The following JPH1 variants were observed in gnomAD, a reference collection of about 807,000 sequenced individuals.
JPH1 encodes the protein junctophilin 1.
In JPH1, 12 loss-of-function variants were observed where a neutral mutation model predicts 53.6. The observed-to-expected ratio is 0.22, with a 90% CI of 0.14 to 0.36. The LOEUF (loss-of-function observed/expected upper bound fraction) is 0.36, where lower values mean the gene tolerates loss of function less well. JPH1 is among the 10% of genes least tolerant of loss of function. The pLI, the probability that JPH1 is intolerant of heterozygous loss-of-function variation, is 1.00. For synonymous variants in JPH1, 375 were observed against 363.8 expected, an observed-to-expected ratio of 1.03 and a Z score of -0.35; for missense variants, 808 against 905.5, an observed-to-expected ratio of 0.89 and a Z score of 1.38.
At chr8:74,294,483 A>C (rs1421789276) in intron 2 of JPH1, among the ~76,000 whole-genome samples, 2 of 152,224 alleles carry the variant, frequency 1.3e-5, no homozygotes, top group African/African-American at 4.8e-5. Context: ...AGTCAAAATG[A>C]GCACTAGGCA....
chr8:74,296,901 G>C (rs981362322), intron 2 of JPH1, among the ~76,000 whole-genome samples: 5 of 152,038 alleles, frequency 3.3e-5, no homozygotes, highest in African/African-American at 4.8e-5. Flanking sequence ...TACATCTCTG[G>C]CTAACTCGAA....
At chr8:74,283,470 A>T (rs1312647766) in intron 2 of JPH1, among the ~76,000 whole-genome samples, 1 of 152,206 alleles carries the variant, frequency 6.6e-6, no homozygotes, top group Admixed American at 6.5e-5. Context: ...ACAGAAAGCC[A>T]GAAACTGAGG....
chr8:74,256,545 AAG>A (rs374594373), intron 3 of JPH1, among the ~76,000 whole-genome samples: 3,904 of 143,964 alleles, frequency 0.027, 145 homozygotes, highest in African/African-American at 0.098. Context: ...AAAAAAAAAA[AAG>A]AACTCAAACA....
At chr8:74,275,410 T>G (rs1228142949) in intron 2 of JPH1, among the ~76,000 whole-genome samples, 3 of 152,170 alleles carry the variant, frequency 2.0e-5, no homozygotes, top group Non-Finnish European at 2.9e-5. Flanking sequence ...CATGTTACCC[T>G]TAGTGCTCTG....
intron 3 of JPH1, among the ~76,000 whole-genome samples, chr8:74,254,211 C>T (rs1379489844): frequency 2.6e-5 from 4 of 152,140 alleles, no homozygotes; most frequent in Non-Finnish European, 5.9e-5. Flanking sequence ...AAGTGGGCTT[C>T]ATCCCTGGGA....
intron 2 of JPH1, among the ~76,000 whole-genome samples, chr8:74,286,916 C>A (rs1260215849): frequency 6.6e-6 from 1 of 152,016 alleles, no homozygotes; most frequent in Non-Finnish European, 1.5e-5. Context: ...AATCATTTCC[C>A]AAGAAAATGG....
intron 1 of JPH1, among the ~76,000 whole-genome samples, chr8:74,319,749 T>A (rs1049523127): frequency 2.6e-5 from 4 of 152,200 alleles, no homozygotes; most frequent in Admixed American, 1.3e-4. Context: ...ATCCTCCAAC[T>A]CTGAGCTGCT....
chr8:74,301,925 T>C (rs1294607472), intron 2 of JPH1, among the ~76,000 whole-genome samples: 1 of 152,194 alleles, frequency 6.6e-6, no homozygotes, highest in Non-Finnish European at 1.5e-5. Context: ...CTAAGCAGGG[T>C]ACATGGGTTC....
intron 3 of JPH1, among the ~76,000 whole-genome samples, chr8:74,250,932 C>CA (rs1806030013): frequency 6.6e-6 from 1 of 152,180 alleles, no homozygotes; most frequent in South Asian, 2.1e-4. Flanking sequence ...ACTACCAGTA[C>CA]ATGCTCTCCT....
intron 2 of JPH1, among the ~76,000 whole-genome samples, chr8:74,279,218 A>G (rs1806939604): frequency 6.6e-6 from 1 of 152,212 alleles, no homozygotes; most frequent in African/African-American, 2.4e-5. Context: ...GTGGACTCTG[A>G]CTTAGCTCAA....
chr8:74,295,753 C>A (rs1807489680), intron 2 of JPH1, among the ~76,000 whole-genome samples: 1 of 152,140 alleles, frequency 6.6e-6, no homozygotes, highest in African/African-American at 2.4e-5. Context: ...TCTCTTGCAG[C>A]TTGCCTGCAG....
At chr8:74,308,169 A>G (rs6983739) in intron 2 of JPH1, among the ~76,000 whole-genome samples, 21,693 of 152,194 alleles carry the variant, frequency 0.14, 3,192 homozygotes, top group African/African-American at 0.38. Flanking sequence ...GTCAAATACA[A>G]AAGCTAAGCC....
In JPH1 at chr8:74,237,273, T is replaced by C. The variant is rs748997420; in HGVS notation, c.1936A>G (p.Met646Val). 1.2e-6 allele frequency: 2 copies of C among 1,613,390 alleles called. No individual in the cohort carries two copies. The highest frequency in any genetic ancestry group is 1.7e-6 in the Non-Finnish European group (2 of 1,179,696). Residue 646 changes from methionine to valine, a missense_variant, in exon 5 of 6, where the codon ATG becomes GTG. Met to Val is a conservative substitution (Grantham distance 21). Coordinates refer to ENST00000342232, the MANE Select transcript of JPH1 (RefSeq NM_020647.4). ...GPNSIMIVLV[M>V]LLNIGLAILF... is the part of the protein sequence containing the mutation. ...ATGGCCAACCCGATATTCAACAGCA[T>C]GACAAGGACAATCATGATTGAATTA...
intron 2 of JPH1, among the ~76,000 whole-genome samples, chr8:74,306,991 C>A (rs573805955): frequency 9.2e-5 from 14 of 152,326 alleles, no homozygotes; most frequent in Middle Eastern, 3.4e-3. Context: ...TCCTTGCTCA[C>A]TTTTCAGTCT....
chr8:74,278,357 C>A (rs1415271900), intron 2 of JPH1, among the ~76,000 whole-genome samples: 1 of 152,164 alleles, frequency 6.6e-6, no homozygotes, highest in Non-Finnish European at 1.5e-5. Flanking sequence ...ATACATGGCA[C>A]TGTCTTTCCC....
At position 74,320,401 on chromosome 8, in the gene JPH1, T is replaced by G. The variant is rs1808279588; in HGVS notation, c.379+508A>C. ...GTTCTGGCTTCTATCTTTAGGCTAC[T>G]GGAGGACCAGAAGCGAAATACGACT... On this transcript the variant is annotated intron_variant, in intron 1 of 5. Coordinates refer to ENST00000342232, the MANE Select transcript of JPH1 (RefSeq NM_020647.4). The surrounding 1 kb of genome is among the most constrained non-coding windows in gnomAD (Gnocchi z 4.4). Among the ~76,000 whole-genome samples the G allele has an allele frequency of 6.6e-6, 1 of 152,174 alleles. No homozygotes were observed. Among genetic ancestry groups the G allele is most frequent in the Non-Finnish European group, 1.5e-5 (1 of 68,026 alleles).
intron 2 of JPH1, among the ~76,000 whole-genome samples, chr8:74,312,283 G>T (rs1181906539): frequency 3.3e-5 from 5 of 152,040 alleles, no homozygotes; most frequent in Admixed American, 2.6e-4. Context: ...ACAGGGTCTT[G>T]CTGTGACACT....
intron 2 of JPH1, among the ~76,000 whole-genome samples, chr8:74,260,257 C>A (rs578020011): frequency 6.6e-6 from 1 of 152,300 alleles, no homozygotes; most frequent in East Asian, 1.9e-4. Flanking sequence ...AGTCTTCCAT[C>A]GCCTCCCTGG....
intron 4 of JPH1, among the ~76,000 whole-genome samples, chr8:74,240,429 G>A (rs1329668270): frequency 1.3e-5 from 2 of 150,676 alleles, no homozygotes; most frequent in Non-Finnish European, 2.9e-5. Flanking sequence ...TCCAGCCTCT[G>A]GTAACCATCC....
Sources: gnomAD v4.1 joint callset for allele counts (sites outside exome capture counted in the v4.1 genomes callset) on GRCh38, gnomAD v4.1.1 for gene constraint, Gnocchi (gnomAD v3.1) non-coding constraint, MANE v1.5 for transcripts, NCBI Gene and HGNC (gene_info 2026-07-23, HGNC 2026-07-21) for gene names.